The following ITIH2 variants were observed in gnomAD, a reference collection of about 807,000 sequenced individuals.
ITIH2 encodes inter-alpha-trypsin inhibitor heavy chain 2, also known as inter-alpha-trypsin inhibitor heavy chain H2.
A neutral mutation model predicts 104.4 loss-of-function variants in ITIH2; 103 were observed. That is an observed-to-expected ratio of 0.99 (90% CI 0.84 to 1.16). ITIH2 has a LOEUF of 1.16. ITIH2 is among the 50% of genes most tolerant of loss of function. ITIH2 has a pLI of 0.00. For missense variants in ITIH2, 1,108 were observed against 1,162.4 expected (o/e 0.95, Z 0.68); for synonymous variants, 436 against 435.4 (o/e 1.00, Z -0.02).
At chr10:7,705,850 C>T (rs1354528071) in intron 2 of ITIH2, among the ~76,000 whole-genome samples, 3 of 152,150 alleles carry the variant, frequency 2.0e-5, no homozygotes, top group African/African-American at 7.2e-5. Flanking sequence ...TGCAGCCTCA[C>T]AATCTCCTTC....
chr10:7,710,607 T>C (rs1834788361), intron 4 of ITIH2, among the ~76,000 whole-genome samples: 1 of 152,316 alleles, frequency 6.6e-6, no homozygotes, highest in African/African-American at 2.4e-5. Context: ...TCAGTGATCA[T>C]TGTGGATAAA....
intron 20 of ITIH2, among the ~76,000 whole-genome samples, chr10:7,748,247 C>CATATATATATAAATATATGTATACAT (rs1554767257): frequency 4.2e-5 from 6 of 143,050 alleles, no homozygotes; most frequent in South Asian, 2.2e-4. Flanking sequence ...TATATGTATA[C>CATATATATATAAATATATGTATACAT]ATATATATAT....
chr10:7,725,272 T>A (rs944222823), intron 9 of ITIH2, among the ~76,000 whole-genome samples: 10 of 152,210 alleles, frequency 6.6e-5, no homozygotes, highest in African/African-American at 2.4e-4. Context: ...AATAGGTGGT[T>A]TCCTGGAGAA....
At position 7,732,479 on chromosome 10, in the gene ITIH2, TAAG is replaced by T; in HGVS notation, c.1787+7_1787+9del. 6.2e-7 allele frequency: 1 copy of T among 1,612,958 alleles called. No homozygotes were observed. Among genetic ancestry groups the T allele is most frequent in the South Asian group, 1.1e-5 (1 of 91,034 alleles). On this transcript the variant is annotated splice_donor_5th_base_variant and intron_variant, in intron 14 of 20. Transcript: ENST00000358415. ...CATCAACCAACTGCTAGCTGAACGGTAAGAAGAGAAGAGTACCCACACCACGAG... is the reference window on the plus strand; with the variant it reads ...CATCAACCAACTGCTAGCTGAACGGTAAGAGAAGAGTACCCACACCACGAG...
At chr10:7,735,161 T>G in intron 15 of ITIH2, 70 bp downstream of exon 15, 2 of 1,410,220 alleles carry the variant, frequency 1.4e-6, no homozygotes, top group Non-Finnish European at 1.9e-6. Context: ...GAAGTCCTAG[T>G]GCCTCCGCTC....
chr10:7,723,169 G>A (rs1030404915), intron 8 of ITIH2, among the ~76,000 whole-genome samples: 3 of 151,866 alleles, frequency 2.0e-5, no homozygotes, highest in Non-Finnish European at 4.4e-5. Context: ...GTGGTGTGAC[G>A]TGGAGTGGAG....
intron 4 of ITIH2, among the ~76,000 whole-genome samples, chr10:7,712,038 A>C (rs1834800682): frequency 6.6e-6 from 1 of 152,106 alleles, no homozygotes; most frequent in South Asian, 2.1e-4. Context: ...GATAAACACC[A>C]CCTTGGCAGG....
At chr10:7,743,390 A>G (rs1471709011) in intron 17 of ITIH2, 131 bp downstream of exon 17, 1 of 562,542 alleles carries the variant, frequency 1.8e-6, no homozygotes, top group Non-Finnish European at 3.1e-6. Flanking sequence ...GAGAAATTAA[A>G]TTATAAATAT....
chr10:7,737,679 T>TATTCTATATATTATATATTA (rs1835075014), intron 15 of ITIH2, among the ~76,000 whole-genome samples: 1 of 23,122 alleles, frequency 4.3e-5, no homozygotes, highest in African/African-American at 1.8e-4. Flanking sequence ...ATTCTATATT[T>TATTCTATATATTATATATTA]TCTATATTAT....
At chr10:7,747,169 T>C (rs1187978456) in intron 20 of ITIH2, among the ~76,000 whole-genome samples, 1 of 152,212 alleles carries the variant, frequency 6.6e-6, no homozygotes, top group African/African-American at 2.4e-5. Context: ...AAGTGAGAAC[T>C]TAGACGCTCA....
chr10:7,727,606 A>G (rs1293417825), intron 10 of ITIH2, 97 bp from the exon 11 acceptor site: 4 of 1,393,916 alleles, frequency 2.9e-6, no homozygotes, highest in Admixed American at 3.7e-5. Flanking sequence ...TAAGTGATGG[A>G]TAAGTGATCA....
intron 16 of ITIH2, among the ~76,000 whole-genome samples, chr10:7,742,338 G>A (rs1835134782): frequency 6.6e-6 from 1 of 152,000 alleles, no homozygotes; most frequent in African/African-American, 2.4e-5. Flanking sequence ...TACTTTCTTG[G>A]GAGTAGCTTG....
chr10:7,715,448 T>C (rs2130942456), intron 5 of ITIH2, among the ~76,000 whole-genome samples: 1 of 152,222 alleles, frequency 6.6e-6, no homozygotes, highest in South Asian at 2.1e-4. Context: ...TTGCCATCTT[T>C]GTCCATCATT....
At chr10:7,739,446 G>A (rs1835104371) in intron 16 of ITIH2, among the ~76,000 whole-genome samples, 1 of 152,194 alleles carries the variant, frequency 6.6e-6, no homozygotes, top group Non-Finnish European at 1.5e-5. Flanking sequence ...GCTCCTGTTG[G>A]TCCTAGAATT....
rs764354004 is a variant in ITIH2 at position 7,717,678 on chromosome 10, G to T, written c.520G>T (p.Gly174Ter). The T allele has an allele frequency of 6.2e-7, 1 of 1,613,902 alleles. No individual in the cohort carries two copies. Among genetic ancestry groups the T allele is most frequent in the South Asian group, 1.1e-5 (1 of 91,062 alleles). Residue 174 changes from glycine (G) to a stop codon, truncating the protein, a stop_gained, in exon 6 of 21, where the codon GGA becomes TGA. Transcript: ENST00000358415. LOFTEE classifies it high-confidence loss of function. ...NFRTEVNVLP[G>*]AKVQFELHYQ... ...CAGAACGGAAGTAAATGTCCTCCCAGGAGCAAAGGTGCAGTTCGAACTTCA... is the reference window on the plus strand; with the variant it reads ...CAGAACGGAAGTAAATGTCCTCCCATGAGCAAAGGTGCAGTTCGAACTTCA...
chr10:7,728,048 C>A (rs539733142), intron 11 of ITIH2, among the ~76,000 whole-genome samples: 4 of 152,302 alleles, frequency 2.6e-5, no homozygotes, highest in African/African-American at 9.6e-5. Flanking sequence ...TCAGTTCCAC[C>A]TCCACAATAT....
chr10:7,735,872 C>T (rs1835051024), intron 15 of ITIH2, among the ~76,000 whole-genome samples: 1 of 151,970 alleles, frequency 6.6e-6, no homozygotes, highest in African/African-American at 2.4e-5. Flanking sequence ...GGGGTTTTAC[C>T]ATGTTGGCCA....
At position 7,705,122 on chromosome 10, in the gene ITIH2, A is replaced by G. The variant is rs559948831; in HGVS notation, c.99A>G (p.Glu33=). 5.6e-6 allele frequency: 9 copies of G among 1,610,696 alleles called. No homozygotes were observed. The East Asian group carries it at 2.0e-4, about 36-fold the overall frequency. The stretch of plus-strand genomic sequence containing the variant: ...TTTTTTTTAAGTTTGTAGACTATGA[A>G]GATCTTGTGGAACTGGCCCCAGGCA... The part of the protein sequence containing the change: ...INGLSEFVDY[E]DLVELAPGKF... Residue 33 remains glutamate (E), a synonymous_variant, in exon 2 of 21, where the codon GAA becomes GAG. Coordinates refer to ENST00000358415, the MANE Select transcript of ITIH2 (RefSeq NM_002216.3).
chr10:7,719,760 C>CAAAAAAAAAAAAAAAAAAAAA (rs71385664), intron 6 of ITIH2, among the ~76,000 whole-genome samples: 4 of 41,718 alleles, frequency 9.6e-5, no homozygotes, highest in Non-Finnish European at 1.2e-4. Flanking sequence ...GACCCTGTCT[C>CAAAAAAAAAAAAAAAAAAAAA]AAAAAAAAAA....
Sources: gnomAD v4.1 joint callset for allele counts (sites outside exome capture counted in the v4.1 genomes callset) on GRCh38, gnomAD v4.1.1 for gene constraint, MANE v1.5 for transcripts, NCBI Gene and HGNC (gene_info 2026-07-23, HGNC 2026-07-21) for gene names.